The following GPRC5A variants were observed in gnomAD, a reference collection of about 807,000 sequenced individuals.
GPRC5A encodes the protein G protein-coupled receptor class C group 5 member A, also known as retinoic acid-induced protein 3.
GPRC5A carries 19 observed loss-of-function variants against 22.5 expected under a neutral mutation model. The observed-to-expected ratio is 0.85, with a 90% confidence interval of 0.59 to 1.24. GPRC5A has a LOEUF of 1.24. Among genes scored for constraint, GPRC5A ranks in the 50% most tolerant of loss-of-function variants. The pLI is 0.00. For synonymous variants in GPRC5A, 192 were observed against 184.5 expected (o/e 1.04, Z -0.33); for missense variants, 471 against 451.1 (o/e 1.04, Z -0.40).
In GPRC5A at chr12:12,912,787, T is replaced by G; in HGVS notation, c.*248T>G. 2.1e-6 allele frequency: 1 copy of G among 466,004 alleles called. No individual in the cohort carries two copies. The highest frequency in any genetic ancestry group is 3.7e-5 in the Admixed American group (1 of 26,778). 28.9% of individuals were successfully genotyped at this position (466,004 alleles called of 1,614,324 possible). ...TCATCCTTTGGATACTTCTTTTAAG[T>G]GGGAGTCTCAGGCAACTCAAGTTTA... is the stretch of plus-strand genomic sequence containing the variant. On this transcript the variant is annotated 3_prime_UTR_variant, in exon 4 of 4. Coordinates refer to ENST00000014914, the MANE Select transcript of GPRC5A (RefSeq NM_003979.4).
chr12:12,907,165 C>T (rs985800176), intron 1 of GPRC5A, among the ~76,000 whole-genome samples: 17 of 151,818 alleles, frequency 1.1e-4, no homozygotes, highest in Non-Finnish European at 2.5e-4. Context: ...AGGGAATGCT[C>T]GGCCTTCTGT....
At chr12:12,895,892 C>T (rs1208504915) in intron 1 of GPRC5A, among the ~76,000 whole-genome samples, 2 of 143,154 alleles carry the variant, frequency 1.4e-5, no homozygotes, top group Non-Finnish European at 3.0e-5. Flanking sequence ...ACTCGGGAGG[C>T]TGAGGCAGGA....
At chr12:12,906,672 C>T (rs1863944922) in intron 1 of GPRC5A, among the ~76,000 whole-genome samples, 1 of 152,208 alleles carries the variant, frequency 6.6e-6, no homozygotes, top group Non-Finnish European at 1.5e-5. Flanking sequence ...CCAGGACGTT[C>T]CTCTTTACAG....
chr12:12,904,466 G>T (rs1018545908), intron 1 of GPRC5A, among the ~76,000 whole-genome samples: 3 of 152,124 alleles, frequency 2.0e-5, no homozygotes, highest in African/African-American at 7.2e-5. Flanking sequence ...AGGGAAGGCG[G>T]TGGGAGGCCC....
intron 1 of GPRC5A, among the ~76,000 whole-genome samples, chr12:12,894,168 G>T (rs1183066986): frequency 2.6e-5 from 4 of 152,082 alleles, no homozygotes; most frequent in Admixed American, 2.6e-4. Context: ...TTATAACCTG[G>T]CCCTTTATAG....
intron 1 of GPRC5A, among the ~76,000 whole-genome samples, chr12:12,903,162 G>C (rs145392107): frequency 4.6e-5 from 7 of 152,254 alleles, no homozygotes; most frequent in East Asian, 1.9e-4. Flanking sequence ...CTAGGGAGTG[G>C]GGTGGGGAAT....
rs1174781334 is a variant in GPRC5A at position 12,907,414 on chromosome 12, A to AAAAAAAG, written c.-7-828_-7-827insAAAAAGA. Among the ~76,000 whole-genome samples the AAAAAAAG allele has an allele frequency of 1.3e-5, 2 of 150,772 alleles. 1 individual carries two copies. Among genetic ancestry groups the AAAAAAAG allele is most frequent in the African/African-American group, 4.9e-5 (2 of 40,696 alleles). ...AGACTCTGTCTCAAAAAAAAAAAAA[A>AAAAAAAG]AGAGAGAGAAAGAAAAATCTACCAT... On this transcript the variant is annotated intron_variant, in intron 1 of 3. Coordinates refer to ENST00000014914, the MANE Select transcript of GPRC5A (RefSeq NM_003979.4).
At chr12:12,899,819 G>A (rs539607171) in intron 1 of GPRC5A, among the ~76,000 whole-genome samples, 56 of 152,276 alleles carry the variant, frequency 3.7e-4, no homozygotes, top group Non-Finnish European at 5.4e-4. Flanking sequence ...GGGCTGGCGC[G>A]AAGACACATT....
intron 1 of GPRC5A, among the ~76,000 whole-genome samples, chr12:12,903,052 A>G (rs1470571243): frequency 1.3e-5 from 2 of 152,176 alleles, no homozygotes; most frequent in Non-Finnish European, 2.9e-5. Flanking sequence ...GGGCAACGGG[A>G]GTGAAACTCC....
chr12:12,901,226 A>G lies in GPRC5A; in HGVS notation c.-7-7017A>G, dbSNP rs1432672885. 2.0e-5 allele frequency among the ~76,000 whole-genome samples: 3 copies of G among 152,162 alleles called. No individual in the cohort carries two copies. The East Asian group carries it at 5.8e-4, about 29-fold the overall frequency. On this transcript the variant is annotated intron_variant, in intron 1 of 3. Coordinates refer to ENST00000014914, the MANE Select transcript of GPRC5A (RefSeq NM_003979.4). ...AGTCACTGAGTACTGGGTGGAGCAC[A>G]TGACTGGATCCCAGTTAATCCCTCC...
chr12:12,911,528 G>A (rs1302694846), intron 2 of GPRC5A, among the ~76,000 whole-genome samples: 2 of 148,008 alleles, frequency 1.4e-5, no homozygotes, highest in African/African-American at 2.5e-5. Context: ...TTGTTCTGTC[G>A]CCCAGGCTGG....
chr12:12,898,788 T>A (rs1459634568), intron 1 of GPRC5A, among the ~76,000 whole-genome samples: 13 of 152,230 alleles, frequency 8.5e-5, no homozygotes, highest in African/African-American at 3.1e-4. Context: ...CAAAGCCCTG[T>A]CTCTTCTACC....
intron 1 of GPRC5A, among the ~76,000 whole-genome samples, chr12:12,893,319 T>C (rs1863783820): frequency 6.6e-6 from 1 of 152,232 alleles, no homozygotes; most frequent in Admixed American, 6.5e-5. Context: ...TGAATGGTAA[T>C]CGAAGACAAC....
At chr12:12,895,424 A>T (rs1173615504) in intron 1 of GPRC5A, among the ~76,000 whole-genome samples, 2 of 147,152 alleles carry the variant, frequency 1.4e-5, no homozygotes, top group African/African-American at 5.0e-5. Flanking sequence ...AATAATAGTT[A>T]CTTGTTATTG....
At position 12,912,097 on chromosome 12, in the gene GPRC5A, A is replaced by C; in HGVS notation, c.936A>C (p.Thr312=). 6.2e-7 allele frequency: 1 copy of C among 1,613,028 alleles called. No homozygotes were observed. Among genetic ancestry groups the C allele is most frequent in the African/African-American group, 1.3e-5 (1 of 75,004 alleles). The change falls in exon 3 of 4, where the codon ACA becomes ACC. Residue 312 remains threonine (T), a synonymous_variant. Transcript: ENST00000014914. ...QEEITQGFEE[T]GDTLYAPYST... Reference sequence around the variant, plus strand: ...CCTCCATTTCAGGTTTTGAAGAGACAGGGGACACGCTCTATGCCCCCTATT... The same window carrying C: ...CCTCCATTTCAGGTTTTGAAGAGACCGGGGACACGCTCTATGCCCCCTATT...
chr12:12,909,226 T>C, intron 2 of GPRC5A, 55 bp downstream of exon 2: 4 of 1,186,770 alleles, frequency 3.4e-6, no homozygotes, highest in Non-Finnish European at 4.8e-6. Flanking sequence ...TGGGGGAGAA[T>C]CATAGGATAT....
chr12:12,915,929 A>G lies in GPRC5A; in HGVS notation c.*3390A>G, dbSNP rs771486153. ...GCAGAAGGTTGCTGCTCATTTGAGC[A>G]GTACCTGTCACCCCTCCTCCCACTG... On this transcript the variant is annotated 3_prime_UTR_variant, in exon 4 of 4. Transcript: ENST00000014914. The G allele has an allele frequency of 2.0e-6, 1 of 511,810 alleles. No individual in the cohort carries two copies. The highest frequency in any genetic ancestry group is 2.0e-5 in the Admixed American group (1 of 50,106). The allele number at this position is 511,810 out of a possible 1,614,324, so 31.7% of individuals were successfully genotyped here.
intron 1 of GPRC5A, among the ~76,000 whole-genome samples, chr12:12,900,903 A>AAAAAAAAAAAC (rs1249729869): frequency 2.3e-5 from 3 of 130,996 alleles, no homozygotes; most frequent in Non-Finnish European, 4.6e-5. Context: ...AAAAAAAAAA[A>AAAAAAAAAAAC]AAAAAAAAAA....
At position 12,913,381 on chromosome 12, in the gene GPRC5A, C is replaced by G. The variant is rs868165363; in HGVS notation, c.*842C>G. 3.9e-5 allele frequency: 6 copies of G among 152,498 alleles called. No individual in the cohort carries two copies. The South Asian group carries it at 1.2e-3, about 32-fold the overall frequency. The allele number at this position is 152,498 out of a possible 1,614,324, so 9.4% of individuals were successfully genotyped here. On this transcript the variant is annotated 3_prime_UTR_variant, in exon 4 of 4. Coordinates refer to ENST00000014914, the MANE Select transcript of GPRC5A (RefSeq NM_003979.4). ...CTGTCAATTCCGAGATCTAATCTCC[C>G]CCTACGCTCTGCCAGGAATTCTTTC...
Sources: gnomAD v4.1 joint callset for allele counts (sites outside exome capture counted in the v4.1 genomes callset) on GRCh38, gnomAD v4.1.1 for gene constraint, MANE v1.5 for transcripts, NCBI Gene and HGNC (gene_info 2026-07-23, HGNC 2026-07-21) for gene names.